The following PDZD2 variants were observed in gnomAD, a reference collection of about 807,000 sequenced individuals.
PDZD2 encodes the protein PDZ domain containing 2, also known as PDZ domain-containing protein 2.
A neutral mutation model predicts 220.7 loss-of-function variants in PDZD2; 90 were observed. The ratio of observed to expected loss-of-function variants is 0.41; its 90% confidence interval spans 0.34 to 0.49. PDZD2 has a LOEUF of 0.49. Ranked by LOEUF, PDZD2 falls within the 20% of genes least tolerant of loss-of-function variation. The pLI is 0.28. For missense variants in PDZD2, 3,174 were observed against 3,608.5 expected (o/e 0.88, Z 3.08); for synonymous variants, 1,375 against 1,450.5 (o/e 0.95, Z 1.18).
rs984011947 is a variant in PDZD2, at chr5:32,110,906, AAAAT to A, written c.*2775_*2778del. The A allele has an allele frequency of 6.6e-6, 1 of 152,248 alleles. No homozygotes were observed. The highest frequency in any genetic ancestry group is 2.4e-5 in the African/African-American group (1 of 41,438). The allele number at this position is 152,248 out of a possible 1,614,324, so 9.4% of individuals were successfully genotyped here. A position where few individuals can be genotyped will look rare whatever the true frequency, so the allele number is the denominator to read the frequency against. On this transcript the variant is annotated 3_prime_UTR_variant, in exon 25 of 25. Coordinates refer to ENST00000438447, the MANE Select transcript of PDZD2 (RefSeq NM_178140.4). ...CAACCTTTTTTAAGTAATTTTAAAA[AAAAT>A]AAACACTCTGCTTACTACTTGATTT...
chr5:31,691,859 T>C (rs912635348), intron 1 of PDZD2, among the ~76,000 whole-genome samples: 7 of 152,206 alleles, frequency 4.6e-5, no homozygotes, highest in Admixed American at 2.6e-4. Flanking sequence ...TTGAGCTAGA[T>C]ACAGAGTGCT....
chr5:31,875,568 A>G (rs1188005315), intron 2 of PDZD2, among the ~76,000 whole-genome samples: 2 of 148,926 alleles, frequency 1.3e-5, no homozygotes, highest in Admixed American at 6.7e-5. Context: ...CCTAGGTGAC[A>G]GAGTGAGACC....
chr5:31,838,426 G>C (rs771370253), intron 2 of PDZD2, among the ~76,000 whole-genome samples: 25 of 152,156 alleles, frequency 1.6e-4, no homozygotes, highest in Non-Finnish European at 3.2e-4. Context: ...ATATAATCAC[G>C]TGGCTCAGCA....
In PDZD2 at chr5:31,983,487, C is replaced by T; in HGVS notation, c.809C>T (p.Pro270Leu). ...CATGTCTTTCAGCTAGAAAATGGCC[C>T]AGATTCTCTCAAGGAGGTGGCTGGA... The part of the protein sequence containing the change: ...NGHVFQLENG[P>L]DSLKEVAGPH... The change falls in exon 3 of 25, where the codon CCA becomes CTA. Residue 270 changes from proline (P) to leucine (L), a missense_variant. Pro to Leu is a moderately conservative substitution (Grantham distance 98, BLOSUM62 -3). Around this residue, in one of 4 missense-constraint regions of PDZD2, gnomAD observed 632 missense variants for 708.1 expected, o/e 0.89. Coordinates refer to ENST00000438447, the MANE Select transcript of PDZD2 (RefSeq NM_178140.4). The T allele has an allele frequency of 6.2e-7, 1 of 1,614,154 alleles. No homozygotes were observed. The highest frequency in any genetic ancestry group is 8.5e-7 in the Non-Finnish European group (1 of 1,180,020).
Position 31,852,552 on chromosome 5 carries a change from C to T in PDZD2, c.476+52828C>T, listed in dbSNP as rs149101898. On this transcript the variant is annotated intron_variant, in intron 2 of 24. Transcript: ENST00000438447. The stretch of plus-strand genomic sequence containing the variant: ...CCAACTACCTTGGCCTCCCAAAGTG[C>T]TAGGATTACAGGCATGAGCCACCAC... Among the ~76,000 whole-genome samples the T allele has an allele frequency of 8.3e-3, 1,250 of 151,248 alleles. 13 individuals are homozygous for T. Among genetic ancestry groups the T allele is most frequent in the African/African-American group, 0.029 (1,189 of 41,152 alleles).
At position 31,974,361 on chromosome 5, in the gene PDZD2, GAA is replaced by G. The variant is rs35000512; in HGVS notation, c.477-8785_477-8784del. 4.3e-3 allele frequency among the ~76,000 whole-genome samples: 654 copies of G among 150,422 alleles called. 3 individuals carry two copies. The Middle Eastern group carries it at 0.044, about 10-fold the overall frequency. ...ATCTTGTCTCACAAAAAAGAAAAAA[GAA>G]AAAAAAAATTATTTTCAATATTGGT... On this transcript the variant is annotated intron_variant, in intron 2 of 24. Coordinates refer to ENST00000438447, the MANE Select transcript of PDZD2 (RefSeq NM_178140.4).
intron 2 of PDZD2, among the ~76,000 whole-genome samples, chr5:31,826,980 A>G (rs1280958556): frequency 6.6e-6 from 1 of 152,108 alleles, no homozygotes; most frequent in Non-Finnish European, 1.5e-5. Flanking sequence ...TGCTACCCAT[A>G]TGCCAAATAG....
intron 2 of PDZD2, among the ~76,000 whole-genome samples, chr5:31,884,592 G>GTT (rs112100637): frequency 1.3e-5 from 2 of 150,760 alleles, no homozygotes; most frequent in African/African-American, 4.9e-5. Flanking sequence ...ATTGTATTGT[G>GTT]TTTTTTTTTG....
chr5:31,731,324 T>A (rs1378662164), intron 1 of PDZD2, among the ~76,000 whole-genome samples: 4 of 152,230 alleles, frequency 2.6e-5, no homozygotes, highest in Non-Finnish European at 5.9e-5. Flanking sequence ...GTTTTATTTA[T>A]ATTTTTTTAA....
At chr5:31,925,167 A>G (rs1744630094) in intron 2 of PDZD2, among the ~76,000 whole-genome samples, 1 of 152,222 alleles carries the variant, frequency 6.6e-6, no homozygotes, top group Admixed American at 6.5e-5. Context: ...AGTCATCCTA[A>G]GTAAAAAGAA....
chr5:32,004,222 G>A (rs749433130), intron 5 of PDZD2, among the ~76,000 whole-genome samples: 1 of 152,120 alleles, frequency 6.6e-6, no homozygotes, highest in Non-Finnish European at 1.5e-5. Flanking sequence ...AAGAAAGCAC[G>A]CTGCATGTAC....
At chr5:32,028,662 A>AT (rs749566544) in intron 6 of PDZD2, among the ~76,000 whole-genome samples, 857 of 66,868 alleles carry the variant, frequency 0.013, 6 homozygotes, top group East Asian at 0.057. Flanking sequence ...TGCTCCTTCT[A>AT]TTTTTTTTTT....
intron 2 of PDZD2, among the ~76,000 whole-genome samples, chr5:31,820,025 G>A (rs1755733923): frequency 6.6e-6 from 1 of 152,214 alleles, no homozygotes; most frequent in African/African-American, 2.4e-5. Flanking sequence ...TTTATTCCTT[G>A]CAACAAGTCA....
chr5:31,915,862 CA>C (rs1158246262), intron 2 of PDZD2, among the ~76,000 whole-genome samples: 1 of 152,192 alleles, frequency 6.6e-6, no homozygotes, highest in Non-Finnish European at 1.5e-5. Context: ...AGTGTACCTA[CA>C]GAGCGGAGCT....
Position 31,850,007 on chromosome 5 carries a change from T to C in PDZD2, c.476+50283T>C, listed in dbSNP as rs866428783. Among the ~76,000 whole-genome samples, 21 of 82,204 alleles carry C rather than the reference T, an allele frequency of 2.6e-4. 1 individual carries two copies. Among genetic ancestry groups the C allele is most frequent in the East Asian group, 3.2e-4 (1 of 3,104 alleles). 53.9% of individuals were successfully genotyped at this position (82,204 alleles called of 152,430 possible). On this transcript the variant is annotated intron_variant, in intron 2 of 24. Transcript: ENST00000438447. ...ATATATATATACACATATATATATA[T>C]ACACACACACGTATATACTCATATA...
chr5:31,876,711 T>C (rs1739335430), intron 2 of PDZD2, among the ~76,000 whole-genome samples: 1 of 152,240 alleles, frequency 6.6e-6, no homozygotes. Context: ...TATTTTGAAA[T>C]ATAAACTCTG....
rs956211058 is a variant in PDZD2, at chr5:32,109,329, G to A, written c.*1194G>A. 2.0e-5 allele frequency: 3 copies of A among 152,146 alleles called. No individual in the cohort carries two copies. Among genetic ancestry groups the A allele is most frequent in the Admixed American group, 6.5e-5 (1 of 15,280 alleles). 9.4% of individuals were successfully genotyped at this position (152,146 alleles called of 1,614,324 possible). Reference sequence around the variant, plus strand: ...AAGTTTTTGCTGTTTTCGTTTTCCCGCTTTGCAATTTCCTCCTTTTGCCAA... The same window carrying A: ...AAGTTTTTGCTGTTTTCGTTTTCCCACTTTGCAATTTCCTCCTTTTGCCAA... On this transcript the variant is annotated 3_prime_UTR_variant, in exon 25 of 25. Coordinates refer to ENST00000438447, the MANE Select transcript of PDZD2 (RefSeq NM_178140.4).
At chr5:31,904,010 G>A (rs967153602) in intron 2 of PDZD2, among the ~76,000 whole-genome samples, 1 of 150,976 alleles carries the variant, frequency 6.6e-6, no homozygotes, top group African/African-American at 2.4e-5. Context: ...GGGATTACAG[G>A]CATGAGCCAT....
intron 1 of PDZD2, among the ~76,000 whole-genome samples, chr5:31,654,726 A>G (rs1353300559): frequency 6.6e-6 from 1 of 152,016 alleles, no homozygotes; most frequent in Admixed American, 6.6e-5. Flanking sequence ...TCATCTCTCA[A>G]TTGGGCTATT....
Sources: gnomAD v4.1 joint callset for allele counts (sites outside exome capture counted in the v4.1 genomes callset) on GRCh38, gnomAD v4.1.1 for gene constraint, gnomAD v4.1.1 regional missense constraint, MANE v1.5 for transcripts, NCBI Gene and HGNC (gene_info 2026-07-23, HGNC 2026-07-21) for gene names.